Variants in STARD13 observed in about 807,000 individuals in gnomAD.
STARD13 encodes StAR related lipid transfer domain containing 13.
Under a neutral mutation model 106.4 loss-of-function variants are expected in STARD13, and 62 were observed. The ratio of observed to expected loss-of-function variants is 0.58; its 90% CI spans 0.48 to 0.72. The LOEUF is 0.72. Ranked by LOEUF, STARD13 falls within the 30% of genes least tolerant of loss-of-function variation. STARD13 has a pLI of 0.00. For synonymous variants in STARD13, 565 were observed against 553.0 expected (o/e 1.02, Z -0.31); for missense variants, 1,387 against 1,424.0 (o/e 0.97, Z 0.42).
chr13:33,135,299 A>G (rs991655301), intron 4 of STARD13, among the ~76,000 whole-genome samples: 8 of 152,234 alleles, frequency 5.3e-5, no homozygotes, highest in Non-Finnish European at 1.0e-4. Flanking sequence ...ACCATTTGTC[A>G]CCATTTGAAA....
intron 1 of STARD13, among the ~76,000 whole-genome samples, chr13:33,319,186 A>G (rs1312401078): frequency 6.6e-6 from 1 of 152,260 alleles, no homozygotes; most frequent in Non-Finnish European, 1.5e-5. Flanking sequence ...AATGTAGAAT[A>G]TCCATACAAT....
chr13:33,118,967 C>G (rs1406824292), intron 7 of STARD13, among the ~76,000 whole-genome samples: 2 of 151,804 alleles, frequency 1.3e-5, no homozygotes, highest in African/African-American at 2.4e-5. Context: ...TTTTTCAGAC[C>G]TCAAGATATT....
intron 1 of STARD13, among the ~76,000 whole-genome samples, chr13:33,319,031 G>T (rs1464355033): frequency 1.2e-5 from 1 of 86,758 alleles, no homozygotes; most frequent in Non-Finnish European, 2.6e-5. Flanking sequence ...CAATGACCAA[G>T]CAATTCCACT....
At chr13:33,646,680 C>CT in the STARD13 span, among the ~76,000 whole-genome samples, 3,989 of 144,850 alleles carry the variant, frequency 0.028, 149 homozygotes, top group African/African-American at 0.091. Context: ...ACAAGTTTGA[C>CT]TTTTTTTTTT....
At chr13:33,429,758 G>A in the STARD13 span, among the ~76,000 whole-genome samples, 101 of 152,232 alleles carry the variant, frequency 6.6e-4, no homozygotes, top group African/African-American at 2.3e-3. Flanking sequence ...GATGGTTACC[G>A]GAGGCTGGCA....
the STARD13 span, among the ~76,000 whole-genome samples, chr13:33,454,912 T>C: frequency 2.6e-5 from 4 of 152,262 alleles, no homozygotes; most frequent in Non-Finnish European, 5.9e-5. Flanking sequence ...TTGAGAAGAT[T>C]GGTGACTCAG....
chr13:33,163,712 C>CATATATATATAACATATATATAAAACAT (rs553805990), intron 3 of STARD13, among the ~76,000 whole-genome samples: 4 of 62,424 alleles, frequency 6.4e-5, no homozygotes, highest in Non-Finnish European at 1.6e-4. Flanking sequence ...ATATATAAAA[C>CATATATATATAACATATATATAAAACAT]ATATATATAA....
chr13:33,392,781 T>G, the STARD13 span, among the ~76,000 whole-genome samples: 2 of 152,334 alleles, frequency 1.3e-5, no homozygotes, highest in East Asian at 3.9e-4. Flanking sequence ...TAATATCCCC[T>G]AATATGCACT....
chr13:33,424,836 A>T, the STARD13 span, among the ~76,000 whole-genome samples: 135 of 152,278 alleles, frequency 8.9e-4, 2 homozygotes, highest in South Asian at 0.027. Flanking sequence ...CTCAACTCTA[A>T]CTTTGAGAAA....
rs1207878858 is a variant in STARD13 at position 33,194,598 on chromosome 13, T to C, written c.170-26976A>G. On this transcript the variant is annotated intron_variant, in intron 1 of 13. Coordinates refer to ENST00000336934, the MANE Select transcript of STARD13 (RefSeq NM_178006.4). ...AAATTACTTTAATATAAACTAGATG[T>C]AATTTGTCATGTTTTTTAATAGAAA... 2.0e-5 allele frequency among the ~76,000 whole-genome samples: 3 copies of C among 152,376 alleles called. No homozygotes were observed. The East Asian group carries it at 5.8e-4, about 29-fold the overall frequency.
chr13:33,640,070 G>A, the STARD13 span, among the ~76,000 whole-genome samples: 1 of 152,170 alleles, frequency 6.6e-6, no homozygotes. Flanking sequence ...AATCTACCAT[G>A]AGTTGCTGTT....
At chr13:33,508,327 T>C in the STARD13 span, among the ~76,000 whole-genome samples, 4 of 152,196 alleles carry the variant, frequency 2.6e-5, no homozygotes, top group African/African-American at 7.2e-5. Flanking sequence ...ACCCTGCGGA[T>C]GCAGCCTGAA....
the STARD13 span, among the ~76,000 whole-genome samples, chr13:33,370,910 C>G: frequency 1.7e-4 from 26 of 152,024 alleles, 1 homozygote; most frequent in Non-Finnish European, 3.4e-4. Context: ...TGTGAGCAAC[C>G]GCTCCCAGCC....
At chr13:33,243,500 G>T (rs774530839) in intron 1 of STARD13, among the ~76,000 whole-genome samples, 2 of 152,146 alleles carry the variant, frequency 1.3e-5, no homozygotes, top group Non-Finnish European at 2.9e-5. Context: ...AAGGAGTTCA[G>T]ATTTTAATCC....
chr13:33,609,605 T>C, the STARD13 span, among the ~76,000 whole-genome samples: 87 of 151,510 alleles, frequency 5.7e-4, no homozygotes, highest in Admixed American at 5.5e-3. Context: ...CTCGCTGTGT[T>C]GCCCAGGCTG....
At chr13:33,601,469 G>C in the STARD13 span, among the ~76,000 whole-genome samples, 3 of 152,124 alleles carry the variant, frequency 2.0e-5, no homozygotes, top group Admixed American at 2.0e-4. Context: ...GATAGGAAAG[G>C]GTGGGAGCCA....
chr13:33,421,203 C>T, the STARD13 span, among the ~76,000 whole-genome samples: 1 of 151,922 alleles, frequency 6.6e-6, no homozygotes, highest in South Asian at 2.1e-4. Context: ...GCTAGTAAGA[C>T]TAATAAAGAA....
intron 7 of STARD13, 151 bp downstream of exon 7, chr13:33,125,930 A>T: frequency 1.3e-6 from 1 of 763,452 alleles, no homozygotes; most frequent in Non-Finnish European, 2.1e-6. Context: ...TGTTCAAATT[A>T]AATATTGCTA....
the STARD13 span, among the ~76,000 whole-genome samples, chr13:33,414,032 C>CAAAAAA: frequency 3.1e-4 from 15 of 48,132 alleles, no homozygotes; most frequent in African/African-American, 1.3e-3. Context: ...GATTCCCTCT[C>CAAAAAA]AAAAAAAAAA....
Sources: allele counts gnomAD v4.1 joint callset (sites outside exome capture counted in the v4.1 genomes callset), GRCh38; gene constraint gnomAD v4.1.1; transcripts MANE v1.5; gene names NCBI Gene and HGNC (gene_info 2026-07-23, HGNC 2026-07-21).